Variants in COL4A1 observed in about 807,000 individuals in gnomAD.
The protein encoded by COL4A1 is collagen type IV alpha 1 chain, also known as collagen alpha-1(IV) chain.
A neutral mutation model predicts 216.6 loss-of-function variants in COL4A1; 40 were observed. The observed-to-expected ratio is 0.18, with a 90% CI of 0.14 to 0.24. The LOEUF (loss-of-function observed/expected upper bound fraction) is 0.24, where lower values mean the gene tolerates loss of function less well. Among genes scored for constraint, COL4A1 ranks in the 10% least tolerant of loss-of-function variants. The pLI is 1.00. For synonymous variants in COL4A1, 839 were observed against 810.7 expected (o/e 1.03, Z -0.59); for missense variants, 1,628 against 2,196.8 (o/e 0.74, Z 5.18).
chr13:110,196,691 A>G (rs1188285432), intron 21 of COL4A1, among the ~76,000 whole-genome samples: 2 of 152,244 alleles, frequency 1.3e-5, no homozygotes, highest in African/African-American at 4.8e-5. Context: ...TCTAAAGTGC[A>G]AATCTAGAGT....
At chr13:110,228,272 A>T (rs1329416672) in intron 2 of COL4A1, among the ~76,000 whole-genome samples, 1 of 151,374 alleles carries the variant, frequency 6.6e-6, no homozygotes, top group Non-Finnish European at 1.5e-5. Flanking sequence ...AAAATATTGG[A>T]CAGGATGGAA....
In COL4A1 at chr13:110,207,013, T is replaced by G. The variant is rs1256320616; in HGVS notation, c.781-122A>C. On this transcript the variant is annotated intron_variant, in intron 13 of 51. Transcript: ENST00000375820. The surrounding 1 kb of genome is among the most constrained non-coding windows in gnomAD (Gnocchi z 4.4). Reference sequence around the variant, plus strand: ...TCTGATATATTAACAAAGAAATTCATGTTGATCTCCAGCACTCACTTGACA... The same window carrying G: ...TCTGATATATTAACAAAGAAATTCAGGTTGATCTCCAGCACTCACTTGACA... 3.9e-6 allele frequency: 4 copies of G among 1,024,442 alleles called. No homozygotes were observed. The East Asian group carries it at 1.0e-4, about 26-fold the overall frequency. The allele number at this position is 1,024,442 out of a possible 1,614,324, so 63.5% of individuals were successfully genotyped here.
intron 51 of COL4A1, among the ~76,000 whole-genome samples, chr13:110,150,719 TC>T (rs1182458627): frequency 6.6e-6 from 1 of 152,204 alleles, no homozygotes; most frequent in Non-Finnish European, 1.5e-5. Context: ...TCCCGCCACA[TC>T]AGTCTGGCTC....
chr13:110,300,016 G>A (rs1361543547), intron 1 of COL4A1, among the ~76,000 whole-genome samples: 1 of 152,148 alleles, frequency 6.6e-6, no homozygotes, highest in Non-Finnish European at 1.5e-5. Context: ...GGGAACTGCG[G>A]ATCTGAAAAT....
chr13:110,218,833 G>A (rs61582530), intron 2 of COL4A1, among the ~76,000 whole-genome samples: 89 of 152,246 alleles, frequency 5.8e-4, no homozygotes, highest in African/African-American at 1.9e-3. Flanking sequence ...TTCCATTTAC[G>A]AGCAGACTGC....
intron 1 of COL4A1, among the ~76,000 whole-genome samples, chr13:110,250,559 G>A (rs1882027796): frequency 6.6e-6 from 1 of 152,190 alleles, no homozygotes; most frequent in Non-Finnish European, 1.5e-5. Flanking sequence ...TGGCCTGGAG[G>A]GAATGACCAT....
At chr13:110,273,427 C>G (rs1013210243) in intron 1 of COL4A1, among the ~76,000 whole-genome samples, 2 of 152,146 alleles carry the variant, frequency 1.3e-5, no homozygotes, top group African/African-American at 4.8e-5. Flanking sequence ...CCTAAATCAC[C>G]TCATTCCACT....
chr13:110,219,745 CAT>C (rs763706744), intron 2 of COL4A1, among the ~76,000 whole-genome samples: 51 of 117,588 alleles, frequency 4.3e-4, no homozygotes, highest in Admixed American at 2.1e-3. Flanking sequence ...TATGTATATA[CAT>C]ATGTGTATAT....
intron 41 of COL4A1, among the ~76,000 whole-genome samples, chr13:110,171,621 A>G (rs1877646335): frequency 6.6e-6 from 1 of 152,234 alleles, no homozygotes; most frequent in African/African-American, 2.4e-5. Context: ...AAGGGAATGA[A>G]ATAGGGTCAA....
At position 110,150,313 on chromosome 13, in the gene COL4A1, AAAG is replaced by A. The variant is rs551436530; in HGVS notation, c.*47_*49del. The A allele has an allele frequency of 5.0e-4, 778 of 1,554,342 alleles. 11 individuals carry two copies. In the South Asian group the frequency reaches 7.4e-3, roughly 15 times the overall value. Reference sequence around the variant, plus strand: ...TTCTAGGGTTCGTTGCTGTTAACAAAAAGAAGAAGAAGTAGCACCATGTTGTGA... The same window carrying A: ...TTCTAGGGTTCGTTGCTGTTAACAAAAAGAAGAAGTAGCACCATGTTGTGA... On this transcript the variant is annotated 3_prime_UTR_variant, in exon 52 of 52. Transcript: ENST00000375820.
intron 15 of COL4A1, among the ~76,000 whole-genome samples, chr13:110,205,782 G>A (rs1879482036): frequency 6.6e-6 from 1 of 151,932 alleles, no homozygotes; most frequent in African/African-American, 2.4e-5. Context: ...AGAATCACTT[G>A]AACCCAGGAG....
rs1244390050 is a variant in COL4A1 at position 110,289,848 on chromosome 13, G to A, written c.84+17096C>T. 2.6e-5 allele frequency among the ~76,000 whole-genome samples: 4 copies of A among 152,158 alleles called. 1 individual carries two copies. The highest frequency in any genetic ancestry group is 6.5e-5 in the Admixed American group (1 of 15,284). ...GGCACGGACCACCGCTTCTTCCTCTGTCTTCCAACAGAAACATGTTCTGCC... is the reference window on the plus strand; with the variant it reads ...GGCACGGACCACCGCTTCTTCCTCTATCTTCCAACAGAAACATGTTCTGCC... On this transcript the variant is annotated intron_variant, in intron 1 of 51. Transcript: ENST00000375820.
At chr13:110,267,894 C>A (rs1208095273) in intron 1 of COL4A1, among the ~76,000 whole-genome samples, 1 of 151,922 alleles carries the variant, frequency 6.6e-6, no homozygotes, top group Non-Finnish European at 1.5e-5. Flanking sequence ...TTTATGTATA[C>A]ATAAAAAATA....
chr13:110,243,536 C>T (rs1881655718), intron 1 of COL4A1, among the ~76,000 whole-genome samples: 1 of 152,282 alleles, frequency 6.6e-6, no homozygotes, highest in African/African-American at 2.4e-5. Context: ...CCAGGCTGGT[C>T]TCGAACTCCT....
intron 1 of COL4A1, among the ~76,000 whole-genome samples, chr13:110,258,284 T>A (rs1882666159): frequency 6.6e-6 from 1 of 152,228 alleles, no homozygotes; most frequent in South Asian, 2.1e-4. Flanking sequence ...ATGCCTGTAA[T>A]CCCAGCACTT....
Position 110,235,658 on chromosome 13 carries a change from C to CAAA in COL4A1, c.144+7014_144+7016dup, listed in dbSNP as rs4000273. Among the ~76,000 whole-genome samples the CAAA allele has an allele frequency of 2.3e-3, 292 of 129,454 alleles. 3 individuals carry two copies. The highest frequency in any genetic ancestry group is 4.2e-3 in the East Asian group (19 of 4,534). 84.9% of individuals were successfully genotyped at this position (129,454 alleles called of 152,430 possible). A position where few individuals can be genotyped will look rare whatever the true frequency, so the allele number is the denominator to read the frequency against. On this transcript the variant is annotated intron_variant, in intron 2 of 51. Transcript: ENST00000375820. ...TGGGCGACAGAGTAAGACTCTGTCTCAAAAAAAAAAAAAAGAAGATATGCA... is the reference window on the plus strand; with the variant it reads ...TGGGCGACAGAGTAAGACTCTGTCTCAAAAAAAAAAAAAAAAAGAAGATATGCA...
chr13:110,193,351 G>T (rs1331932000), intron 22 of COL4A1, among the ~76,000 whole-genome samples: 1 of 152,192 alleles, frequency 6.6e-6, no homozygotes, highest in Non-Finnish European at 1.5e-5. Context: ...TTCACTGGTT[G>T]GTGGACTTGG....
chr13:110,256,945 C>T (rs1882605731), intron 1 of COL4A1, among the ~76,000 whole-genome samples: 1 of 152,102 alleles, frequency 6.6e-6, no homozygotes, highest in South Asian at 2.1e-4. Context: ...TTGTCAGACA[C>T]CAGACATGTC....
chr13:110,215,914 C>T lies in COL4A1; in HGVS notation c.145-1899G>A, dbSNP rs573667153. ...TCCATTTTTACAAACGCAGGAAGGA[C>T]GTTATGAACCTGGGACTCAGCCGCC... On this transcript the variant is annotated intron_variant, in intron 2 of 51. Transcript: ENST00000375820. Among the ~76,000 whole-genome samples, 11 of 152,244 alleles carry T rather than the reference C, an allele frequency of 7.2e-5. No individual in the cohort carries two copies. The South Asian group carries it at 2.1e-3, about 29-fold the overall frequency.
Sources: allele counts gnomAD v4.1 joint callset (sites outside exome capture counted in the v4.1 genomes callset), GRCh38; gene constraint gnomAD v4.1.1; non-coding constraint Gnocchi (gnomAD v3.1); transcripts MANE v1.5; gene names NCBI Gene and HGNC (gene_info 2026-07-23, HGNC 2026-07-21).